Variants in ASAP1 observed in about 807,000 individuals in gnomAD.
ASAP1 encodes the protein arf-GAP with SH3 domain, ANK repeat and PH domain-containing protein 1.
In ASAP1, 43 loss-of-function variants were observed where a neutral mutation model predicts 145.2. That is an observed-to-expected ratio of 0.30 (90% confidence interval 0.23 to 0.38). The LOEUF (loss-of-function observed/expected upper bound fraction) is 0.38, where lower values mean the gene tolerates loss of function less well. ASAP1 is among the 10% of genes least tolerant of loss of function. The pLI, the probability that ASAP1 is intolerant of heterozygous loss-of-function variation, is 1.00. For missense variants in ASAP1, 1,018 were observed against 1,355.3 expected, an observed-to-expected ratio of 0.75 and a Z score of 3.91; for synonymous variants, 546 against 515.5, an observed-to-expected ratio of 1.06 and a Z score of -0.80.
At chr8:130,387,634 A>T (rs1473940625) in intron 2 of ASAP1, among the ~76,000 whole-genome samples, 1 of 149,360 alleles carries the variant, frequency 6.7e-6, no homozygotes, top group Non-Finnish European at 1.5e-5. Context: ...TCCAGCCTGG[A>T]TGACAGAGCG....
chr8:130,315,019 G>A, intron 3 of ASAP1, among the ~76,000 whole-genome samples: 1 of 152,168 alleles, frequency 6.6e-6, no homozygotes, highest in Non-Finnish European at 1.5e-5. Flanking sequence ...ACTACTGTCT[G>A]CTCCCGTCAC....
intron 3 of ASAP1, among the ~76,000 whole-genome samples, chr8:130,248,777 CA>C: frequency 6.6e-6 from 1 of 152,188 alleles, no homozygotes; most frequent in Middle Eastern, 3.4e-3. Flanking sequence ...AGGCTTCCTC[CA>C]AATCTTCTCT....
chr8:130,066,183 C>A (rs186052882), intron 27 of ASAP1, among the ~76,000 whole-genome samples: 1 of 152,272 alleles, frequency 6.6e-6, no homozygotes, highest in Non-Finnish European at 1.5e-5. Flanking sequence ...CTCCCCTTGC[C>A]CATATACCAA....
At chr8:130,242,273 A>AC (rs1027757949) in intron 3 of ASAP1, among the ~76,000 whole-genome samples, 6 of 144,688 alleles carry the variant, frequency 4.1e-5, no homozygotes, top group South Asian at 2.1e-4. Flanking sequence ...AAAAAAAAAA[A>AC]AAAAAAAAAA....
chr8:130,156,000 G>A (rs1307189511), intron 12 of ASAP1, among the ~76,000 whole-genome samples: 1 of 152,120 alleles, frequency 6.6e-6, no homozygotes, highest in African/African-American at 2.4e-5. Flanking sequence ...TGACCTCTTG[G>A]AGACTCATTC....
At chr8:130,305,865 G>A (rs746955870) in intron 3 of ASAP1, among the ~76,000 whole-genome samples, 3 of 152,172 alleles carry the variant, frequency 2.0e-5, no homozygotes, top group Non-Finnish European at 4.4e-5. Flanking sequence ...AAGGCTCTAA[G>A]AGAGGTATCT....
At chr8:130,185,993 T>C (rs987379337) in intron 7 of ASAP1, among the ~76,000 whole-genome samples, 4 of 152,234 alleles carry the variant, frequency 2.6e-5, no homozygotes, top group African/African-American at 7.2e-5. Flanking sequence ...GTTGTTCCTA[T>C]ATCCTACAAA....
chr8:130,142,064 T>C (rs2097613153), intron 13 of ASAP1, among the ~76,000 whole-genome samples: 1 of 152,194 alleles, frequency 6.6e-6, no homozygotes, highest in Non-Finnish European at 1.5e-5. Context: ...AGGCATCTTA[T>C]GTCATATACT....
At chr8:130,204,329 C>G (rs1425624729) in intron 5 of ASAP1, among the ~76,000 whole-genome samples, 4 of 152,150 alleles carry the variant, frequency 2.6e-5, no homozygotes, top group Non-Finnish European at 4.4e-5. Flanking sequence ...AAAACCGGTC[C>G]CTGGTGCCAA....
intron 3 of ASAP1, among the ~76,000 whole-genome samples, chr8:130,242,261 TAA>T (rs571916495): frequency 0.22 from 18,997 of 85,296 alleles, 1,823 homozygotes; most frequent in East Asian, 0.39. Flanking sequence ...GTGATTTCCT[TAA>T]AAAAAAAAAA....
At chr8:130,133,652 G>A in intron 15 of ASAP1, among the ~76,000 whole-genome samples, 1 of 149,456 alleles carries the variant, frequency 6.7e-6, no homozygotes. Context: ...GACAGAGCGA[G>A]ACTCCGTCTC....
intron 28 of ASAP1, among the ~76,000 whole-genome samples, chr8:130,058,393 C>T (rs2097409206): frequency 6.6e-6 from 1 of 152,216 alleles, no homozygotes; most frequent in African/African-American, 2.4e-5. Context: ...CCATCAAGCA[C>T]TCTGTACGCA....
intron 3 of ASAP1, among the ~76,000 whole-genome samples, chr8:130,337,052 G>C (rs1260497759): frequency 6.6e-6 from 1 of 152,106 alleles, no homozygotes; most frequent in Non-Finnish European, 1.5e-5. Context: ...TTTACAATAG[G>C]GACAATCACA....
intron 27 of ASAP1, among the ~76,000 whole-genome samples, chr8:130,069,386 G>C (rs1011252512): frequency 6.3e-4 from 96 of 152,114 alleles, no homozygotes; most frequent in African/African-American, 2.0e-3. Flanking sequence ...CAGGCATGTG[G>C]CACCACGCCT....
intron 2 of ASAP1, among the ~76,000 whole-genome samples, chr8:130,369,477 T>TA (rs1827112262): frequency 6.6e-6 from 1 of 152,222 alleles, no homozygotes; most frequent in African/African-American, 2.4e-5. Flanking sequence ...TCAACTTGTA[T>TA]TTGATAAAGG....
chr8:130,082,650 T>C (rs970173097), intron 25 of ASAP1: 25 of 151,688 alleles, frequency 1.6e-4, no homozygotes, highest in African/African-American at 5.3e-4. Context: ...ACTACATGCA[T>C]GACCCACCAT....
Position 130,423,054 on chromosome 8 carries a change from C to T in ASAP1, c.-28+20406G>A, listed in dbSNP as rs147465620. On this transcript the variant is annotated intron_variant, in intron 1 of 29. Coordinates refer to ENST00000518721, the MANE Select transcript of ASAP1 (RefSeq NM_018482.4). ...ATAAGCACAGTACCAAGTAATAGAA[C>T]TAAATTGCGCCATTGGTTTCGGTCA... 5.1e-3 allele frequency among the ~76,000 whole-genome samples: 778 copies of T among 152,266 alleles called. 4 individuals carry two copies. Among genetic ancestry groups the T allele is most frequent in the Middle Eastern group, 0.027 (8 of 294 alleles).
chr8:130,300,385 A>G (rs1822590725), intron 3 of ASAP1, among the ~76,000 whole-genome samples: 1 of 152,160 alleles, frequency 6.6e-6, no homozygotes, highest in African/African-American at 2.4e-5. Context: ...TTTTTACACT[A>G]CTGCTGTTTT....
At chr8:130,109,867 C>G (rs370637428) in intron 24 of ASAP1, among the ~76,000 whole-genome samples, 68 of 152,310 alleles carry the variant, frequency 4.5e-4, no homozygotes, top group African/African-American at 1.5e-3. Flanking sequence ...CACCAGCAGA[C>G]AGGCCAAATC....
Sources: gnomAD v4.1 joint callset for allele counts (sites outside exome capture counted in the v4.1 genomes callset) on GRCh38, gnomAD v4.1.1 for gene constraint, MANE v1.5 for transcripts, NCBI Gene and HGNC (gene_info 2026-07-23, HGNC 2026-07-21) for gene names.